SGCD: variants seen among roughly 807,000 people sequenced by gnomAD.
SGCD encodes the protein delta-sarcoglycan.
Under a neutral mutation model 36.6 loss-of-function variants are expected in SGCD, and 18 were observed. The observed-to-expected ratio is 0.49, with a 90% CI of 0.34 to 0.73. The LOEUF (loss-of-function observed/expected upper bound fraction) is 0.73. Among genes scored for constraint, SGCD ranks in the 30% least tolerant of loss-of-function variants. The pLI, the probability that SGCD is intolerant of heterozygous loss-of-function variation, is 0.01. For missense variants in SGCD, 387 were observed against 346.7 expected (o/e 1.12, Z -0.92); for synonymous variants, 133 against 130.6 (o/e 1.02, Z -0.12).
At chr5:155,766,015 T>C in the SGCD span, among the ~76,000 whole-genome samples, 1 of 152,084 alleles carries the variant, frequency 6.6e-6, no homozygotes, top group African/African-American at 2.4e-5. Context: ...TGGGTCATTT[T>C]AAAGGGATCC....
At chr5:156,213,571 C>G (rs745699095) in intron 3 of SGCD, among the ~76,000 whole-genome samples, 20 of 151,972 alleles carry the variant, frequency 1.3e-4, no homozygotes, top group Non-Finnish European at 2.8e-4. Context: ...TCTCCTCTAC[C>G]TCTTTCAAAA....
chr5:156,267,125 A>G (rs2127667775), intron 3 of SGCD, among the ~76,000 whole-genome samples: 1 of 152,326 alleles, frequency 6.6e-6, no homozygotes, highest in South Asian at 2.1e-4. Context: ...AGATGGGGGT[A>G]TCAAATGTCA....
chr5:156,338,166 T>TTTTGTTTG (rs60601727), intron 2 of SGCD, among the ~76,000 whole-genome samples: 2 of 151,766 alleles, frequency 1.3e-5, no homozygotes, highest in African/African-American at 4.8e-5. Flanking sequence ...TCACTGGGTT[T>TTTTGTTTG]TTTGTTTGTT....
intron 7 of SGCD, among the ~76,000 whole-genome samples, chr5:156,668,589 A>G (rs1414683565): frequency 2.6e-5 from 4 of 152,192 alleles, no homozygotes; most frequent in East Asian, 1.9e-4. Flanking sequence ...AATTAAACCT[A>G]TGTGTTGTAT....
the SGCD span, among the ~76,000 whole-genome samples, chr5:155,763,721 A>G: frequency 6.6e-6 from 1 of 152,232 alleles, no homozygotes; most frequent in Non-Finnish European, 1.5e-5. Context: ...TTTCTCCAAT[A>G]TACATTTTAA....
intron 1 of SGCD, among the ~76,000 whole-genome samples, chr5:156,094,269 GCAGC>G (rs1561717688): frequency 5.3e-4 from 81 of 152,284 alleles, no homozygotes; most frequent in African/African-American, 1.9e-3. Context: ...AGGCTGAGCT[GCAGC>G]TGCAGGAACA....
chr5:156,204,032 A>G (rs973125612), intron 3 of SGCD, among the ~76,000 whole-genome samples: 2 of 152,146 alleles, frequency 1.3e-5, no homozygotes, highest in African/African-American at 4.8e-5. Flanking sequence ...AGTGGCTTCC[A>G]TATTGCTTAA....
At chr5:156,503,973 G>A (rs1322435945) in intron 3 of SGCD, among the ~76,000 whole-genome samples, 8 of 152,060 alleles carry the variant, frequency 5.3e-5, no homozygotes, top group Non-Finnish European at 2.9e-5. Flanking sequence ...GGAGGCTGAG[G>A]CAGGTGGATC....
intron 3 of SGCD, among the ~76,000 whole-genome samples, chr5:156,376,327 C>T (rs990198071): frequency 6.6e-6 from 1 of 152,168 alleles, no homozygotes; most frequent in Non-Finnish European, 1.5e-5. Flanking sequence ...TTTACATGTA[C>T]ATCTGTTGAC....
intron 3 of SGCD, among the ~76,000 whole-genome samples, chr5:156,423,354 T>C (rs1471260602): frequency 2.0e-4 from 9 of 44,436 alleles, no homozygotes; most frequent in African/African-American, 7.6e-4. Context: ...ATTATAATTT[T>C]ATTATAATAT....
At chr5:156,013,024 G>GTTT (rs776733082) in intron 1 of SGCD, among the ~76,000 whole-genome samples, 15 of 137,410 alleles carry the variant, frequency 1.1e-4, no homozygotes, top group African/African-American at 3.7e-4. Context: ...ACATTTAGGT[G>GTTT]TTTTTTTTTT....
chr5:156,373,487 C>T (rs1376214055), intron 3 of SGCD, among the ~76,000 whole-genome samples: 1 of 152,162 alleles, frequency 6.6e-6, no homozygotes, highest in African/African-American at 2.4e-5. Flanking sequence ...ATTAATTTAA[C>T]AACAGTCTAT....
At chr5:156,728,508 CAAAAA>C (rs34726270) in intron 7 of SGCD, among the ~76,000 whole-genome samples, 2 of 46,526 alleles carry the variant, frequency 4.3e-5, no homozygotes, top group South Asian at 1.4e-3. Context: ...GAGACTCTGT[CAAAAA>C]AAAAAAAAAA....
chr5:156,557,293 G>A (rs1271070487), intron 4 of SGCD, among the ~76,000 whole-genome samples: 4 of 152,172 alleles, frequency 2.6e-5, no homozygotes, highest in Admixed American at 2.6e-4. Flanking sequence ...AGATAAAGAT[G>A]GGAGGTGTTA....
At chr5:156,603,831 G>C (rs958797710) in intron 6 of SGCD, among the ~76,000 whole-genome samples, 1 of 151,988 alleles carries the variant, frequency 6.6e-6, no homozygotes, top group South Asian at 2.1e-4. Flanking sequence ...CTATTTTGGA[G>C]AATGTTAAAC....
chr5:156,146,606 C>T (rs1762714790), intron 3 of SGCD, among the ~76,000 whole-genome samples: 1 of 152,050 alleles, frequency 6.6e-6, no homozygotes, highest in African/African-American at 2.4e-5. Flanking sequence ...TAATTTTAAC[C>T]ATAGAAGAAC....
chr5:155,765,530 C>A, the SGCD span, among the ~76,000 whole-genome samples: 2 of 152,040 alleles, frequency 1.3e-5, no homozygotes, highest in Non-Finnish European at 2.9e-5. Flanking sequence ...CTAATATAAT[C>A]TTCTACAGAG....
intron 6 of SGCD, among the ~76,000 whole-genome samples, chr5:156,613,243 T>A (rs761881259): frequency 6.6e-6 from 1 of 152,254 alleles, no homozygotes; most frequent in Non-Finnish European, 1.5e-5. Context: ...TCAGCCATCT[T>A]GCTGTTTCAT....
chr5:155,904,350 T>G (rs901548918), intron 1 of SGCD, among the ~76,000 whole-genome samples: 2 of 152,170 alleles, frequency 1.3e-5, no homozygotes, highest in African/African-American at 4.8e-5. Flanking sequence ...TTTGTAAAAA[T>G]TGTGGCAAAA....
Sources: allele counts gnomAD v4.1 joint callset (sites outside exome capture counted in the v4.1 genomes callset), GRCh38; gene constraint gnomAD v4.1.1; transcripts MANE v1.5; gene names NCBI Gene and HGNC (gene_info 2026-07-23, HGNC 2026-07-21).